The following ADAM18 variants were observed in gnomAD, a reference collection of about 807,000 sequenced individuals.
The protein encoded by ADAM18 is disintegrin and metalloproteinase domain-containing protein 18.
Under a neutral mutation model 94.4 loss-of-function variants are expected in ADAM18, and 117 were observed. The observed-to-expected ratio is 1.24, with a 90% confidence interval of 1.07 to 1.45. ADAM18 has a LOEUF of 1.45. ADAM18 is among the 40% of genes most tolerant of loss of function. The pLI is 0.00. For missense variants in ADAM18, 936 were observed against 880.0 expected, an observed-to-expected ratio of 1.06 and a Z score of -0.81; for synonymous variants, 327 against 291.6, an observed-to-expected ratio of 1.12 and a Z score of -1.24.
intron 6 of ADAM18, among the ~76,000 whole-genome samples, chr8:39,618,860 G>GC (rs890321346): frequency 2.6e-5 from 4 of 152,276 alleles, no homozygotes; most frequent in South Asian, 2.1e-4. Context: ...TAGGCTCTCT[G>GC]CAGGGGGAAG....
chr8:39,596,037 T>C (rs1425388120), intron 2 of ADAM18, among the ~76,000 whole-genome samples: 1 of 152,202 alleles, frequency 6.6e-6, no homozygotes, highest in East Asian at 1.9e-4. Context: ...TAAAATAAAC[T>C]GTGTGTGTGG....
chr8:39,625,584 G>C (rs564840628), intron 6 of ADAM18, among the ~76,000 whole-genome samples: 7 of 152,194 alleles, frequency 4.6e-5, no homozygotes, highest in African/African-American at 1.7e-4. Flanking sequence ...TTGAATAGAA[G>C]TAGTGAAAGT....
At chr8:39,624,523 A>G (rs1819709818) in intron 6 of ADAM18, among the ~76,000 whole-genome samples, 1 of 152,184 alleles carries the variant, frequency 6.6e-6, no homozygotes, top group African/African-American at 2.4e-5. Context: ...CTTTTATACC[A>G]GTACAATGCT....
intron 14 of ADAM18, among the ~76,000 whole-genome samples, chr8:39,672,744 C>T (rs1204007073): frequency 6.6e-6 from 1 of 152,166 alleles, no homozygotes; most frequent in Non-Finnish European, 1.5e-5. Flanking sequence ...GACTTACAAC[C>T]ATTTAATCAC....
intron 6 of ADAM18, among the ~76,000 whole-genome samples, chr8:39,621,727 C>T (rs1033690784): frequency 1.3e-5 from 2 of 151,994 alleles, no homozygotes; most frequent in African/African-American, 4.8e-5. Context: ...ACATATACAC[C>T]ATGGAATACT....
At chr8:39,714,208 A>C in intron 18 of ADAM18, among the ~76,000 whole-genome samples, 1 of 152,184 alleles carries the variant, frequency 6.6e-6, no homozygotes, top group South Asian at 2.1e-4. Context: ...CAAGCACTGC[A>C]TGTTCTCACT....
chr8:39,698,029 AT>A (rs778472453), intron 17 of ADAM18, among the ~76,000 whole-genome samples: 10 of 151,704 alleles, frequency 6.6e-5, no homozygotes, highest in Non-Finnish European at 1.2e-4. Flanking sequence ...CTTTTTCTAT[AT>A]TCTCTATTTA....
rs778208283 is a variant in ADAM18 at position 39,610,527 on chromosome 8, A to G, written c.345-2A>G. 5 of 1,590,938 alleles carry G rather than the reference A, an allele frequency of 3.1e-6. No individual in the cohort carries two copies. In the East Asian group the frequency reaches 1.1e-4, roughly 36 times the overall value. On this transcript the variant is annotated splice_acceptor_variant, in intron 5 of 19. Transcript: ENST00000265707. LOFTEE classifies it high-confidence loss of function. ...ATTTTCTTATGCCTTCTAAATTTTC[A>G]GGGGATTTCTCCAGTTTGAAAATAT...
intron 16 of ADAM18, among the ~76,000 whole-genome samples, chr8:39,686,884 T>G (rs1195208550): frequency 6.6e-6 from 1 of 152,236 alleles, no homozygotes; most frequent in Admixed American, 6.5e-5. Flanking sequence ...TTTCCATTAC[T>G]TTGTTTGGTG....
intron 18 of ADAM18, among the ~76,000 whole-genome samples, chr8:39,718,588 T>C (rs905455202): frequency 1.3e-5 from 2 of 151,310 alleles, no homozygotes; most frequent in African/African-American, 4.8e-5. Context: ...TTAATGGGCA[T>C]AAAGTGTCAG....
intron 17 of ADAM18, among the ~76,000 whole-genome samples, chr8:39,693,453 A>T (rs1821837607): frequency 6.6e-6 from 1 of 150,984 alleles, no homozygotes; most frequent in African/African-American, 2.4e-5. Flanking sequence ...CCTCTGTTAC[A>T]TTTTAGTTCT....
intron 14 of ADAM18, among the ~76,000 whole-genome samples, chr8:39,674,730 CA>C (rs1390519260): frequency 1.3e-5 from 2 of 152,128 alleles, no homozygotes; most frequent in African/African-American, 4.8e-5. Context: ...ATGGTCTTTA[CA>C]ATTTGGCCTG....
intron 6 of ADAM18, among the ~76,000 whole-genome samples, chr8:39,620,588 T>G (rs1819586978): frequency 6.8e-6 from 1 of 147,050 alleles, no homozygotes; most frequent in African/African-American, 2.5e-5. Context: ...ATGTAATATA[T>G]AATATATATA....
chr8:39,684,827 G>A (rs1563305833), intron 16 of ADAM18, among the ~76,000 whole-genome samples: 1 of 152,098 alleles, frequency 6.6e-6, no homozygotes, highest in African/African-American at 2.4e-5. Context: ...CTCATTTCAG[G>A]CCTGGTAGTT....
chr8:39,617,186 C>T (rs754892965), intron 6 of ADAM18, among the ~76,000 whole-genome samples: 2 of 152,054 alleles, frequency 1.3e-5, no homozygotes, highest in African/African-American at 2.4e-5. Flanking sequence ...GAACAAAGGA[C>T]ATGAACAAGC....
intron 18 of ADAM18, among the ~76,000 whole-genome samples, chr8:39,718,439 A>G (rs1822641010): frequency 6.6e-6 from 1 of 151,668 alleles, no homozygotes; most frequent in Non-Finnish European, 1.5e-5. Flanking sequence ...CATGATGCTA[A>G]GTGAAATAAG....
At chr8:39,694,500 G>A (rs1293365521) in intron 17 of ADAM18, among the ~76,000 whole-genome samples, 1 of 151,426 alleles carries the variant, frequency 6.6e-6, no homozygotes, top group Non-Finnish European at 1.5e-5. Flanking sequence ...TTATGGATTT[G>A]ATAGTTTTAT....
At chr8:39,591,064 T>A (rs28513375) in intron 2 of ADAM18, among the ~76,000 whole-genome samples, 4,803 of 152,260 alleles carry the variant, frequency 0.032, 280 homozygotes, top group African/African-American at 0.11. Flanking sequence ...TGGCTAAAAA[T>A]AACATTGTAT....
intron 18 of ADAM18, among the ~76,000 whole-genome samples, chr8:39,715,079 C>A (rs1053740556): frequency 1.3e-5 from 2 of 152,002 alleles, no homozygotes; most frequent in Non-Finnish European, 2.9e-5. Context: ...AATTCTTTGT[C>A]TTACAATGTA....
Sources: gnomAD v4.1 joint callset for allele counts (sites outside exome capture counted in the v4.1 genomes callset) on GRCh38, gnomAD v4.1.1 for gene constraint, MANE v1.5 for transcripts, NCBI Gene and HGNC (gene_info 2026-07-23, HGNC 2026-07-21) for gene names.